The following GUCY1A1 variants were observed in gnomAD, a reference collection of about 807,000 sequenced individuals.
The protein encoded by GUCY1A1 is guanylate cyclase 1 soluble subunit alpha 1, also known as guanylate cyclase soluble subunit alpha-1.
Under a neutral mutation model 64.5 loss-of-function variants are expected in GUCY1A1, and 48 were observed. The ratio of observed to expected loss-of-function variants is 0.74; its 90% confidence interval spans 0.59 to 0.95. GUCY1A1 has a LOEUF of 0.95. Ranked by LOEUF, GUCY1A1 falls within the 40% of genes least tolerant of loss-of-function variation. The pLI, the probability that GUCY1A1 is intolerant of heterozygous loss-of-function variation, is 0.00. For synonymous variants in GUCY1A1, 308 were observed against 303.4 expected (o/e 1.02, Z -0.16); for missense variants, 804 against 825.3 (o/e 0.97, Z 0.32).
chr4:155,675,270 T>C (rs1366648422), intron 2 of GUCY1A1, among the ~76,000 whole-genome samples: 2 of 151,588 alleles, frequency 1.3e-5, no homozygotes, highest in East Asian at 3.9e-4. Flanking sequence ...GTTTCAGTAT[T>C]CCATAGTATA....
intron 2 of GUCY1A1, among the ~76,000 whole-genome samples, chr4:155,676,472 C>T (rs572169684): frequency 1.3e-5 from 2 of 151,354 alleles, no homozygotes; most frequent in East Asian, 1.9e-4. Context: ...TCTGTTTCAG[C>T]GCGTCCTGGA....
chr4:155,728,580 A>C (rs141929022), intron 9 of GUCY1A1, among the ~76,000 whole-genome samples: 5 of 152,014 alleles, frequency 3.3e-5, no homozygotes, highest in Non-Finnish European at 7.4e-5. Flanking sequence ...ACCATAGGCT[A>C]TACCCAGTTT....
Position 155,717,235 on chromosome 4 carries a change from C to G in GUCY1A1, c.1649C>G (p.Ala550Gly). Residue 550 changes from alanine to glycine, a missense_variant, in exon 8 of 10, where the codon GCG becomes GGG. Coordinates refer to ENST00000506455, the MANE Select transcript of GUCY1A1 (RefSeq NM_001130682.3). Reference protein sequence around the residue: ...KESDTHAVQIALMALKMMELS... With the variant: ...KESDTHAVQIGLMALKMMELS... ...AGTGATACTCATGCTGTTCAGATAG[C>G]GCTGATGGCCCTGAAGATGATGGAG... 6.3e-7 allele frequency: 1 copy of G among 1,597,982 alleles called. No individual in the cohort carries two copies. Among genetic ancestry groups the G allele is most frequent in the Non-Finnish European group, 8.5e-7 (1 of 1,169,972 alleles).
At chr4:155,694,715 G>T (rs894318556) in intron 2 of GUCY1A1, among the ~76,000 whole-genome samples, 22 of 152,166 alleles carry the variant, frequency 1.4e-4, no homozygotes, top group Admixed American at 1.4e-3. Flanking sequence ...AACCTGCAAA[G>T]CTGACAGTAT....
In GUCY1A1 at chr4:155,717,169, T is replaced by C. The variant is rs2126904999; in HGVS notation, c.1583T>C (p.Ile528Thr). 6.6e-7 allele frequency: 1 copy of C among 1,507,610 alleles called. No individual in the cohort carries two copies. Among genetic ancestry groups the C allele is most frequent in the Non-Finnish European group, 8.9e-7 (1 of 1,118,054 alleles). 93.4% of individuals were successfully genotyped at this position (1,507,610 alleles called of 1,614,324 possible). The change falls in exon 8 of 10, where the codon ATT (isoleucine) becomes ACT (threonine). Residue 528 changes from isoleucine (I) to threonine (T), a missense_variant. Ile to Thr is a moderately conservative substitution (Grantham distance 89). Coordinates refer to ENST00000506455, the MANE Select transcript of GUCY1A1 (RefSeq NM_001130682.3). ...ATATATTATGTCTAGGTGGAGACCA[T>C]TGGCGATGCCTATTGTGTAGCTGGG... ...GELDVYKVET[I>T]GDAYCVAGGL...
chr4:155,712,219 C>T (rs1732663563), intron 6 of GUCY1A1, among the ~76,000 whole-genome samples: 1 of 152,192 alleles, frequency 6.6e-6, no homozygotes, highest in South Asian at 2.1e-4. Context: ...CAACCTCCAA[C>T]TCCGGGGTTC....
intron 2 of GUCY1A1, among the ~76,000 whole-genome samples, chr4:155,677,251 G>A (rs986254911): frequency 6.6e-6 from 1 of 152,178 alleles, no homozygotes; most frequent in Non-Finnish European, 1.5e-5. Flanking sequence ...ATAAGAGAAA[G>A]ATCCTGAAGA....
At chr4:155,715,345 T>C (rs1487077446) in intron 7 of GUCY1A1, among the ~76,000 whole-genome samples, 1 of 152,182 alleles carries the variant, frequency 6.6e-6, no homozygotes, top group Non-Finnish European at 1.5e-5. Context: ...ACTAGGGCTT[T>C]ATTTAATTTT....
In GUCY1A1 at chr4:155,710,660, C is replaced by A; in HGVS notation, c.495C>A (p.Ser165Arg). 6.2e-7 allele frequency: 1 copy of A among 1,613,610 alleles called. No homozygotes were observed. The highest frequency in any genetic ancestry group is 8.5e-7 in the Non-Finnish European group (1 of 1,179,588). ...GCACCCTTAAAGATTTTTTAAACAG[C>A]TTCAGTACCCTTCTGAAACAGAGCA... is the stretch of plus-strand genomic sequence containing the variant. ...VGGTLKDFLN[S>R]FSTLLKQSSH... is the part of the protein sequence containing the mutation. Residue 165 changes from serine to arginine, a missense_variant, in exon 6 of 10, where the codon AGC (serine) becomes AGA (arginine). Ser to Arg is a moderately radical substitution (Grantham distance 110, BLOSUM62 -1). Coordinates refer to ENST00000506455, the MANE Select transcript of GUCY1A1 (RefSeq NM_001130682.3).
Position 155,731,395 on chromosome 4 carries a change from T to C in GUCY1A1, c.*1164T>C, listed in dbSNP as rs908944108. On this transcript the variant is annotated 3_prime_UTR_variant, in exon 10 of 10. Transcript: ENST00000506455. The stretch of plus-strand genomic sequence containing the variant: ...ATTAAATATACATATATGAAGTGTT[T>C]TTATTCTACTTGAAATATCTTGACT... 2.0e-5 allele frequency: 3 copies of C among 151,846 alleles called. No individual in the cohort carries two copies. The highest frequency in any genetic ancestry group is 6.6e-5 in the Admixed American group (1 of 15,204). The allele number at this position is 151,846 out of a possible 1,614,324, so 9.4% of individuals were successfully genotyped here. A position where few individuals can be genotyped will look rare whatever the true frequency, so the allele number is the denominator to read the frequency against.
Position 155,710,994 on chromosome 4 carries a change from A to G in GUCY1A1, c.829A>G (p.Ile277Val), listed in dbSNP as rs199751573. The G allele has an allele frequency of 6.2e-7, 1 of 1,613,570 alleles. No homozygotes were observed. The highest frequency in any genetic ancestry group is 8.5e-7 in the Non-Finnish European group (1 of 1,179,462). ...CAGCAAACCCCAGTCCTCGCTGGTG[A>G]TTCCCACATCGCTATTCTGCAAGAC... The part of the protein sequence containing the change: ...SPSKPQSSLV[I>V]PTSLFCKTFP... Residue 277 changes from isoleucine to valine, a missense_variant, in exon 6 of 10, where the codon ATT (isoleucine) becomes GTT (valine). Physicochemically the swap from Ile to Val is conservative, Grantham distance 29. Transcript: ENST00000506455.
In GUCY1A1 at chr4:155,731,213, T is replaced by G. The variant is rs1474211951; in HGVS notation, c.*982T>G. 1.3e-5 allele frequency: 2 copies of G among 151,908 alleles called. No individual in the cohort carries two copies. The highest frequency in any genetic ancestry group is 4.8e-5 in the African/African-American group (2 of 41,416). 9.4% of individuals were successfully genotyped at this position (151,908 alleles called of 1,614,324 possible). On this transcript the variant is annotated 3_prime_UTR_variant, in exon 10 of 10. Transcript: ENST00000506455. ...TGGACCCACTTCAGCAGACATCTTC[T>G]ATTGCCATGCTGAGCTGTTTAAAGT...
intron 4 of GUCY1A1, among the ~76,000 whole-genome samples, chr4:155,707,594 G>A (rs1277995823): frequency 2.1e-5 from 3 of 145,548 alleles, no homozygotes; most frequent in Non-Finnish European, 4.5e-5. Flanking sequence ...CTTTTGCACC[G>A]ATATAAAGGT....
chr4:155,688,509 T>A (rs1019943928), intron 2 of GUCY1A1, among the ~76,000 whole-genome samples: 1 of 152,226 alleles, frequency 6.6e-6, no homozygotes, highest in African/African-American at 2.4e-5. Flanking sequence ...AAAAGTTTCA[T>A]CAGATTATTT....
At chr4:155,719,264 TA>T (rs1375566303) in intron 8 of GUCY1A1, among the ~76,000 whole-genome samples, 2 of 152,174 alleles carry the variant, frequency 1.3e-5, no homozygotes, top group Non-Finnish European at 2.9e-5. Flanking sequence ...TTATGCATAC[TA>T]ACCTGCAGCC....
chr4:155,670,953 C>T (rs1734068747), intron 2 of GUCY1A1, among the ~76,000 whole-genome samples: 1 of 151,984 alleles, frequency 6.6e-6, no homozygotes, highest in Non-Finnish European at 1.5e-5. Flanking sequence ...TTTCTAGGTC[C>T]AGCCTATCTA....
At chr4:155,679,552 G>A (rs1016544356) in intron 2 of GUCY1A1, among the ~76,000 whole-genome samples, 2 of 152,174 alleles carry the variant, frequency 1.3e-5, no homozygotes, top group African/African-American at 4.8e-5. Context: ...GTAACAGCCA[G>A]CTCTTGAAGG....
rs1006082805 is a variant in GUCY1A1, at chr4:155,733,874, A to C, written c.*3643A>C. Among the ~76,000 whole-genome samples the C allele has an allele frequency of 6.6e-6, 1 of 151,768 alleles. No homozygotes were observed. Among genetic ancestry groups the C allele is most frequent in the African/African-American group, 2.4e-5 (1 of 41,362 alleles). On this transcript the variant is annotated 3_prime_UTR_variant, in exon 10 of 10. Coordinates refer to ENST00000506455, the MANE Select transcript of GUCY1A1 (RefSeq NM_001130682.3). Reference sequence around the variant, plus strand: ...TACTTGCACAGGTGACTGAATGAACATCTGTTTATACATCAAGGGAAAATG... The same window carrying C: ...TACTTGCACAGGTGACTGAATGAACCTCTGTTTATACATCAAGGGAAAATG...
At chr4:155,722,428 A>G (rs779147246) in intron 9 of GUCY1A1, 5 of 1,334,292 alleles carry the variant, frequency 3.7e-6, no homozygotes, top group Non-Finnish European at 4.8e-6. Flanking sequence ...CAGATATTAC[A>G]TAGTCTTCCA....
Sources: allele counts gnomAD v4.1 joint callset (sites outside exome capture counted in the v4.1 genomes callset), GRCh38; gene constraint gnomAD v4.1.1; transcripts MANE v1.5; gene names NCBI Gene and HGNC (gene_info 2026-07-23, HGNC 2026-07-21).